Variants in ZBTB2 observed in about 807,000 individuals in gnomAD.
ZBTB2 encodes zinc finger and BTB domain-containing protein 2.
A neutral mutation model predicts 39.5 loss-of-function variants in ZBTB2; 2 were observed. The ratio of observed to expected loss-of-function variants is 0.05; its 90% CI spans 0.02 to 0.16. ZBTB2 has a LOEUF of 0.16. ZBTB2 is among the 10% of genes least tolerant of loss of function. The pLI, the probability that ZBTB2 is intolerant of heterozygous loss-of-function variation, is 1.00. For missense variants in ZBTB2, 391 were observed against 653.0 expected (o/e 0.60, Z 4.37); for synonymous variants, 251 against 256.6 (o/e 0.98, Z 0.21).
At position 151,365,656 on chromosome 6, in the gene ZBTB2, G is replaced by A; in HGVS notation, c.1410C>T (p.Asn470=). ...PNEVVKHSCQ[N]QNSDVFALDE... is the part of the protein sequence containing the mutation. ...CTAGGGCAAAAACATCCGAGTTCTG[G>A]TTTTGGCATGAATGTTTAACAACCT... The change falls in exon 3 of 3, where the codon AAC becomes AAT. Residue 470 remains asparagine, a synonymous_variant. Coordinates refer to ENST00000325144, the MANE Select transcript of ZBTB2 (RefSeq NM_020861.3). This position sits in a 1 kb window ranked among gnomAD's most constrained non-coding sequence, Gnocchi z 5.6. 6.2e-7 allele frequency: 1 copy of A among 1,614,202 alleles called. No individual in the cohort carries two copies.
intron 1 of ZBTB2, among the ~76,000 whole-genome samples, chr6:151,376,244 G>A (rs1314719912): frequency 6.6e-6 from 1 of 151,898 alleles, no homozygotes; most frequent in Non-Finnish European, 1.5e-5. Context: ...AAAACTTTTG[G>A]GAAAAAAAGT....
intron 1 of ZBTB2, chr6:151,377,863 T>G (rs372581137): frequency 1.3e-3 from 195 of 152,160 alleles, no homozygotes; most frequent in African/African-American, 4.4e-3. Flanking sequence ...CTACTACACA[T>G]TAATTGACTA....
chr6:151,378,760 C>A (rs1230419515), intron 1 of ZBTB2, among the ~76,000 whole-genome samples: 1 of 152,220 alleles, frequency 6.6e-6, no homozygotes, highest in Non-Finnish European at 1.5e-5. Flanking sequence ...GTGTCACGCT[C>A]ATCAACAGTA....
intron 2 of ZBTB2, among the ~76,000 whole-genome samples, chr6:151,367,419 C>T (rs1315335390): frequency 3.3e-5 from 5 of 152,160 alleles, no homozygotes; most frequent in Admixed American, 6.5e-5. Context: ...CCACGCCTGG[C>T]CAAGTTAAAT....
chr6:151,381,338 T>C (rs1008888330), intron 1 of ZBTB2, among the ~76,000 whole-genome samples: 1 of 151,954 alleles, frequency 6.6e-6, no homozygotes, highest in Non-Finnish European at 1.5e-5. Context: ...CTGGCCAACA[T>C]GGTGAAACCC....
intron 1 of ZBTB2, among the ~76,000 whole-genome samples, chr6:151,375,413 A>G (rs894084946): frequency 2.0e-5 from 3 of 152,252 alleles, no homozygotes; most frequent in Non-Finnish European, 4.4e-5. Flanking sequence ...AGGAAGACTC[A>G]ACATGGTAAA....
chr6:151,382,591 C>T (rs1210034000), intron 1 of ZBTB2, among the ~76,000 whole-genome samples: 1 of 150,294 alleles, frequency 6.7e-6, no homozygotes, highest in African/African-American at 2.5e-5. Flanking sequence ...GCTCTTGTTG[C>T]CCAGGCTGGA....
At chr6:151,375,815 C>T (rs752649892) in intron 1 of ZBTB2, among the ~76,000 whole-genome samples, 2 of 152,106 alleles carry the variant, frequency 1.3e-5, no homozygotes, top group Admixed American at 6.6e-5. Flanking sequence ...ATGATCCACC[C>T]GCCTCGGCCT....
Position 151,366,801 on chromosome 6 carries a change from G to A in ZBTB2, c.265C>T (p.Leu89Phe). Residue 89 changes from leucine to phenylalanine, a missense_variant, in exon 3 of 3, where the codon CTC becomes TTC. Transcript: ENST00000325144. This position sits in a 1 kb window ranked among gnomAD's most constrained non-coding sequence, Gnocchi z 7.1. ...LMYTGKMAPQLIDPVRLEQGI... is the reference protein window; with the variant it reads ...LMYTGKMAPQFIDPVRLEQGI... Reference sequence around the variant, plus strand: ...TGTTCTAATCGAACCGGGTCGATGAGCTGAGGCGCCATCTTCCCAGTGTAC... The same window carrying A: ...TGTTCTAATCGAACCGGGTCGATGAACTGAGGCGCCATCTTCCCAGTGTAC... The A allele has an allele frequency of 6.2e-7, 1 of 1,614,178 alleles. No individual in the cohort carries two copies. Among genetic ancestry groups the A allele is most frequent in the Non-Finnish European group, 8.5e-7 (1 of 1,180,040 alleles).
chr6:151,380,807 T>TC (rs1779018361), intron 1 of ZBTB2, among the ~76,000 whole-genome samples: 1 of 152,206 alleles, frequency 6.6e-6, no homozygotes. Flanking sequence ...AGCCTACTCC[T>TC]CATTCTGTAG....
chr6:151,385,913 T>A (rs1224784035), intron 1 of ZBTB2, among the ~76,000 whole-genome samples: 1 of 152,168 alleles, frequency 6.6e-6, no homozygotes, highest in Non-Finnish European at 1.5e-5. Context: ...TGGAGTGGCA[T>A]TTTTTTCTTA....
At position 151,366,840 on chromosome 6, in the gene ZBTB2, G is replaced by C. The variant is rs753867546; in HGVS notation, c.226C>G (p.Leu76Val). The C allele has an allele frequency of 3.1e-6, 5 of 1,613,832 alleles. No individual in the cohort carries two copies. The South Asian group carries it at 5.5e-5, about 18-fold the overall frequency. ...TDIQPDIFSY[L>V]LHLMYTGKMA... is the part of the protein sequence containing the mutation. The stretch of plus-strand genomic sequence containing the variant: ...TTCCCAGTGTACATCAAGTGTAAGA[G>C]ATAGCTGAAGATGTCGGGCTGTATG... The change falls in exon 3 of 3, where the codon CTC (leucine) becomes GTC (valine). Residue 76 changes from leucine (L) to valine (V), a missense_variant. Leu to Val is a conservative substitution (Grantham distance 32). Coordinates refer to ENST00000325144, the MANE Select transcript of ZBTB2 (RefSeq NM_020861.3). This position sits in a 1 kb window ranked among gnomAD's most constrained non-coding sequence, Gnocchi z 7.1.
At chr6:151,386,565 C>G (rs540008072) in intron 1 of ZBTB2, among the ~76,000 whole-genome samples, 45 of 152,258 alleles carry the variant, frequency 3.0e-4, no homozygotes, top group Admixed American at 6.5e-4. Flanking sequence ...TGATCTGCTT[C>G]TAATAATCCA....
In ZBTB2 at chr6:151,366,335, A is replaced by G. The variant is rs1778648836; in HGVS notation, c.731T>C (p.Met244Thr). Residue 244 changes from methionine to threonine, a missense_variant, in exon 3 of 3, where the codon ATG (methionine) becomes ACG (threonine). Met to Thr is a moderately conservative substitution (Grantham distance 81). Coordinates refer to ENST00000325144, the MANE Select transcript of ZBTB2 (RefSeq NM_020861.3). This position sits in a 1 kb window ranked among gnomAD's most constrained non-coding sequence, Gnocchi z 7.1. The part of the protein sequence containing the change: ...LTIAHVKPSI[M>T]KRNGSFPKYY... ...CTTTGGAAAGCTCCCATTCCTCTTC[A>G]TGATGCTTGGCTTGACGTGGGCTAT... is the stretch of plus-strand genomic sequence containing the variant. 3 of 1,614,042 alleles carry G rather than the reference A, an allele frequency of 1.9e-6. No individual in the cohort carries two copies. Among genetic ancestry groups the G allele is most frequent in the Non-Finnish European group, 2.5e-6 (3 of 1,180,004 alleles).
rs1778611990 is a variant in ZBTB2 at position 151,364,984 on chromosome 6, T to C, written c.*537A>G. The C allele has an allele frequency of 6.5e-6, 1 of 152,998 alleles. No individual in the cohort carries two copies. The highest frequency in any genetic ancestry group is 2.4e-5 in the African/African-American group (1 of 41,468). 9.5% of individuals were successfully genotyped at this position (152,998 alleles called of 1,614,324 possible). The stretch of plus-strand genomic sequence containing the variant: ...TAGATTTCTTAACTGATGATTTCTC[T>C]TAAGTGGACATAATCTCAAAGGATG... On this transcript the variant is annotated 3_prime_UTR_variant, in exon 3 of 3. Coordinates refer to ENST00000325144, the MANE Select transcript of ZBTB2 (RefSeq NM_020861.3).
chr6:151,387,524 C>A (rs1009335786), intron 1 of ZBTB2, among the ~76,000 whole-genome samples: 1 of 152,140 alleles, frequency 6.6e-6, no homozygotes, highest in African/African-American at 2.4e-5. Context: ...ACTCAGAGAA[C>A]CTAAATGACT....
At chr6:151,376,610 CCA>C (rs1346725581) in intron 1 of ZBTB2, among the ~76,000 whole-genome samples, 1 of 152,104 alleles carries the variant, frequency 6.6e-6, no homozygotes, top group East Asian at 1.9e-4. Flanking sequence ...ATGTTCGAAA[CCA>C]CTAGCCACTA....
chr6:151,367,245 C>A (rs933790423), intron 2 of ZBTB2, among the ~76,000 whole-genome samples: 1 of 151,924 alleles, frequency 6.6e-6, no homozygotes, highest in Non-Finnish European at 1.5e-5. Flanking sequence ...CTCAGCCTCC[C>A]GAGTAGCTGG....
intron 1 of ZBTB2, among the ~76,000 whole-genome samples, chr6:151,377,308 T>C (rs114637519): frequency 0.028 from 4,222 of 151,932 alleles, 185 homozygotes; most frequent in African/African-American, 0.097. Flanking sequence ...GGGTAAAGGG[T>C]ATATGGGATC....
Sources: allele counts gnomAD v4.1 joint callset (sites outside exome capture counted in the v4.1 genomes callset), GRCh38; gene constraint gnomAD v4.1.1; non-coding constraint Gnocchi (gnomAD v3.1); transcripts MANE v1.5; gene names NCBI Gene and HGNC (gene_info 2026-07-23, HGNC 2026-07-21).